The following FKTN variants were observed in gnomAD, a reference collection of about 807,000 sequenced individuals.
FKTN encodes fukutin, also known as ribitol-5-phosphate transferase FKTN.
A neutral mutation model predicts 58.6 loss-of-function variants in FKTN; 47 were observed. The observed-to-expected ratio is 0.80, with a 90% CI of 0.63 to 1.02. The LOEUF (loss-of-function observed/expected upper bound fraction) is 1.02. Ranked by LOEUF, FKTN falls within the 50% of genes least tolerant of loss-of-function variation. The probability of loss-of-function intolerance (pLI) is 0.00; values close to 1 mark genes in which losing one functional copy is unlikely to be tolerated. For synonymous variants in FKTN, 178 were observed against 191.9 expected, an observed-to-expected ratio of 0.93 and a Z score of 0.60; for missense variants, 516 against 537.3, an observed-to-expected ratio of 0.96 and a Z score of 0.39.
chr9:105,639,596 G>A lies in FKTN; in HGVS notation c.*4332G>A. ...ATGGAATTATAGAAACCATGGGTCAGAACATATTCCTTTACTCAAAAGATT... is the reference window on the plus strand; with the variant it reads ...ATGGAATTATAGAAACCATGGGTCAAAACATATTCCTTTACTCAAAAGATT... On this transcript the variant is annotated 3_prime_UTR_variant, in exon 11 of 11. Transcript: ENST00000357998. 1.0e-6 allele frequency: 1 copy of A among 980,450 alleles called. No homozygotes were observed. The highest frequency in any genetic ancestry group is 1.2e-6 in the Non-Finnish European group (1 of 825,556). The allele number at this position is 980,450 out of a possible 1,614,324, so 60.7% of individuals were successfully genotyped here.
At chr9:105,626,321 G>A (rs1161710818) in intron 10 of FKTN, among the ~76,000 whole-genome samples, 1 of 152,168 alleles carries the variant, frequency 6.6e-6, no homozygotes, top group African/African-American at 2.4e-5. Context: ...TGGATGATGG[G>A]AAGTCCAAGA....
chr9:105,570,068 A>G (rs1445358487), intron 1 of FKTN, among the ~76,000 whole-genome samples: 2 of 151,954 alleles, frequency 1.3e-5, no homozygotes, highest in Non-Finnish European at 2.9e-5. Context: ...TATTTTTTAT[A>G]TTTTTAAACG....
Position 105,639,504 on chromosome 9 carries a change from C to G in FKTN, c.*4240C>G. The G allele has an allele frequency of 1.2e-6, 1 of 826,290 alleles. No homozygotes were observed. Among genetic ancestry groups the G allele is most frequent in the Non-Finnish European group, 1.5e-6 (1 of 685,058 alleles). The allele number at this position is 826,290 out of a possible 1,614,324, so 51.2% of individuals were successfully genotyped here. On this transcript the variant is annotated 3_prime_UTR_variant, in exon 11 of 11. Transcript: ENST00000357998. The stretch of plus-strand genomic sequence containing the variant: ...AAGTATACAGTTCTTAGCCTCAGGC[C>G]TAGGATTAAGTAAGTACTCAAGAAA...
chr9:105,590,278 G>T (rs1214039128), intron 3 of FKTN, among the ~76,000 whole-genome samples: 1 of 152,060 alleles, frequency 6.6e-6, no homozygotes, highest in East Asian at 1.9e-4. Flanking sequence ...TTCTCCTTTT[G>T]CTTGATTCTG....
chr9:105,562,898 A>T (rs956570938), intron 1 of FKTN, among the ~76,000 whole-genome samples: 1 of 152,196 alleles, frequency 6.6e-6, no homozygotes, highest in African/African-American at 2.4e-5. Flanking sequence ...GGATATGGCT[A>T]GGCTCTCACA....
chr9:105,607,387 A>C (rs1014806654), intron 6 of FKTN, among the ~76,000 whole-genome samples: 1 of 152,048 alleles, frequency 6.6e-6, no homozygotes, highest in African/African-American at 2.4e-5. Context: ...GTGTGTATGA[A>C]CAAGTACAAA....
intron 4 of FKTN, among the ~76,000 whole-genome samples, chr9:105,599,444 C>CT (rs1237775054): frequency 1.5e-5 from 2 of 130,530 alleles, no homozygotes; most frequent in Non-Finnish European, 1.7e-5. Flanking sequence ...GTGGACTATA[C>CT]TTTTTTTTGT....
intron 9 of FKTN, among the ~76,000 whole-genome samples, chr9:105,619,136 TATAAA>T (rs1315233545): frequency 2.0e-5 from 3 of 151,266 alleles, no homozygotes; most frequent in African/African-American, 7.3e-5. Context: ...TACTAAAAAA[TATAAA>T]TAAAATATTT....
In FKTN at chr9:105,636,394, A is replaced by T; in HGVS notation, c.*1130A>T. On this transcript the variant is annotated 3_prime_UTR_variant, in exon 11 of 11. Coordinates refer to ENST00000357998, the MANE Select transcript of FKTN (RefSeq NM_001079802.2). The stretch of plus-strand genomic sequence containing the variant: ...TGGAAGCTAAATGGTGGACTTGACA[A>T]CTATTCACCCTACCTCAGATCATAG... 5.1e-6 allele frequency: 5 copies of T among 986,168 alleles called. No homozygotes were observed. The highest frequency in any genetic ancestry group is 6.0e-6 in the Non-Finnish European group (5 of 830,392). The allele number at this position is 986,168 out of a possible 1,614,324, so 61.1% of individuals were successfully genotyped here.
In FKTN at chr9:105,637,576, T is replaced by C; in HGVS notation, c.*2312T>C. ...CTGTGGAGTGTCCAGAGACCTTGGG[T>C]TAGGTATATCCATCTTCAGTACCTC... On this transcript the variant is annotated 3_prime_UTR_variant, in exon 11 of 11. Transcript: ENST00000357998. The C allele has an allele frequency of 7.1e-6, 7 of 985,440 alleles. No homozygotes were observed. The highest frequency in any genetic ancestry group is 8.4e-6 in the Non-Finnish European group (7 of 829,928). 61.0% of individuals were successfully genotyped at this position (985,440 alleles called of 1,614,324 possible).
At chr9:105,630,728 A>T (rs1833314155) in intron 10 of FKTN, among the ~76,000 whole-genome samples, 2 of 152,222 alleles carry the variant, frequency 1.3e-5, no homozygotes, top group African/African-American at 4.8e-5. Context: ...TTAAAGGATT[A>T]AAAGATTAAA....
chr9:105,581,186 C>A (rs1171310017), intron 3 of FKTN, among the ~76,000 whole-genome samples: 6 of 150,000 alleles, frequency 4.0e-5, no homozygotes, highest in Non-Finnish European at 8.9e-5. Context: ...CATTCTCCAT[C>A]CAGCTTTGTT....
intron 3 of FKTN, among the ~76,000 whole-genome samples, chr9:105,591,547 T>C (rs2132471332): frequency 6.6e-6 from 1 of 152,332 alleles, no homozygotes; most frequent in South Asian, 2.1e-4. Flanking sequence ...TCCCAAGGCC[T>C]TGGGCAGCTC....
At chr9:105,587,548 A>G (rs1467633085) in intron 3 of FKTN, among the ~76,000 whole-genome samples, 3 of 152,074 alleles carry the variant, frequency 2.0e-5, no homozygotes, top group Non-Finnish European at 4.4e-5. Flanking sequence ...CAAGGATAAC[A>G]TATAGGTCAT....
At chr9:105,568,192 G>A (rs1383218767) in intron 1 of FKTN, among the ~76,000 whole-genome samples, 1 of 152,052 alleles carries the variant, frequency 6.6e-6, no homozygotes, top group Admixed American at 6.6e-5. Context: ...AAAAACCCTA[G>A]AAGAAAACCA....
At chr9:105,579,460 A>G (rs1334438647) in intron 3 of FKTN, among the ~76,000 whole-genome samples, 1 of 151,836 alleles carries the variant, frequency 6.6e-6, no homozygotes. Context: ...TTCAGTTTCC[A>G]TGTAGTTGAG....
In FKTN at chr9:105,640,297, T is replaced by C; in HGVS notation, c.*5033T>C. ...TGGGTGCAGTGGCTCACACCTGTAATACCAGCAGTTTGAGAAGCTAAGGCA... is the reference window on the plus strand; with the variant it reads ...TGGGTGCAGTGGCTCACACCTGTAACACCAGCAGTTTGAGAAGCTAAGGCA... On this transcript the variant is annotated 3_prime_UTR_variant, in exon 11 of 11. Transcript: ENST00000357998. 2 of 819,394 alleles carry C rather than the reference T, an allele frequency of 2.4e-6. No individual in the cohort carries two copies. The highest frequency in any genetic ancestry group is 2.9e-5 in the East Asian group (1 of 34,540). The allele number at this position is 819,394 out of a possible 1,614,324, so 50.8% of individuals were successfully genotyped here. A position where few individuals can be genotyped will look rare whatever the true frequency, so the allele number is the denominator to read the frequency against.
At chr9:105,625,227 G>A (rs1179954510) in intron 10 of FKTN, among the ~76,000 whole-genome samples, 3 of 152,186 alleles carry the variant, frequency 2.0e-5, no homozygotes, top group Non-Finnish European at 4.4e-5. Flanking sequence ...AAAAAAACGT[G>A]TAAAGAGTAC....
At chr9:105,603,178 C>T (rs895593290) in intron 5 of FKTN, among the ~76,000 whole-genome samples, 5 of 152,122 alleles carry the variant, frequency 3.3e-5, no homozygotes, top group African/African-American at 4.8e-5. Context: ...AACCCAAGGT[C>T]ACGTTCTTCT....
Sources: allele counts gnomAD v4.1 joint callset (sites outside exome capture counted in the v4.1 genomes callset), GRCh38; gene constraint gnomAD v4.1.1; transcripts MANE v1.5; gene names NCBI Gene and HGNC (gene_info 2026-07-23, HGNC 2026-07-21).